The following SH2D4B variants were observed in gnomAD, a reference collection of about 807,000 sequenced individuals.
SH2D4B encodes SH2 domain containing 4B.
SH2D4B carries 45 observed loss-of-function variants against 61.5 expected under a neutral mutation model. That is an observed-to-expected ratio of 0.73 (90% CI 0.58 to 0.94). The LOEUF is 0.94. Ranked by LOEUF, SH2D4B falls within the 40% of genes least tolerant of loss-of-function variation. The probability of loss-of-function intolerance (pLI) is 0.00; values close to 1 mark genes in which losing one functional copy is unlikely to be tolerated. For synonymous variants in SH2D4B, 224 were observed against 220.4 expected, an observed-to-expected ratio of 1.02 and a Z score of -0.14; for missense variants, 572 against 574.2, an observed-to-expected ratio of 1.00 and a Z score of 0.04.
chr10:80,637,997 G>A (rs1205471275), intron 7 of SH2D4B, among the ~76,000 whole-genome samples: 2 of 152,122 alleles, frequency 1.3e-5, no homozygotes, highest in East Asian at 1.9e-4. Context: ...TAGCATGAAG[G>A]GCTGCTGAAT....
chr10:80,625,872 C>T (rs1229703634), intron 6 of SH2D4B, among the ~76,000 whole-genome samples: 1 of 152,116 alleles, frequency 6.6e-6, no homozygotes, highest in Non-Finnish European at 1.5e-5. Flanking sequence ...CCATGCCTGG[C>T]CTGTTTTTGA....
intron 1 of SH2D4B, among the ~76,000 whole-genome samples, chr10:80,545,369 T>C (rs1841660470): frequency 6.6e-6 from 1 of 151,588 alleles, no homozygotes; most frequent in Non-Finnish European, 1.5e-5. Context: ...TCCTCCTCCT[T>C]CTCCTTCTTT....
At chr10:80,542,805 C>G (rs1841599988) in intron 1 of SH2D4B, among the ~76,000 whole-genome samples, 1 of 152,084 alleles carries the variant, frequency 6.6e-6, no homozygotes, top group African/African-American at 2.4e-5. Context: ...GTCTTTCCCT[C>G]CCGCTCTTCC....
chr10:80,542,586 T>C (rs1298681780), intron 1 of SH2D4B, among the ~76,000 whole-genome samples: 1 of 151,766 alleles, frequency 6.6e-6, no homozygotes, highest in Non-Finnish European at 1.5e-5. Flanking sequence ...AATAGAGACA[T>C]GGTTTCATCA....
intron 6 of SH2D4B, among the ~76,000 whole-genome samples, chr10:80,619,162 G>A (rs905720770): frequency 5.9e-5 from 9 of 152,186 alleles, no homozygotes; most frequent in Non-Finnish European, 8.8e-5. Flanking sequence ...GAGGAGTTAG[G>A]CACTGTTGGC....
chr10:80,566,283 G>A (rs1221242354), intron 1 of SH2D4B, among the ~76,000 whole-genome samples: 2 of 150,046 alleles, frequency 1.3e-5, no homozygotes, highest in African/African-American at 4.9e-5. Flanking sequence ...TACCTGATGG[G>A]ATTAGATCAA....
At position 80,644,245 on chromosome 10, in the gene SH2D4B, G is replaced by A; in HGVS notation, c.*160G>A. ...AGGGATATGACATCTATGGCATAGG[G>A]CTACTGGTCTCATCCCAGCGATCGG... On this transcript the variant is annotated 3_prime_UTR_variant, in exon 8 of 8. Transcript: ENST00000646907. 1 of 610,174 alleles carries A rather than the reference G, an allele frequency of 1.6e-6. No individual in the cohort carries two copies. 37.8% of individuals were successfully genotyped at this position (610,174 alleles called of 1,614,324 possible).
At chr10:80,544,445 C>A (rs1841638468) in intron 1 of SH2D4B, among the ~76,000 whole-genome samples, 1 of 152,262 alleles carries the variant, frequency 6.6e-6, no homozygotes, top group African/African-American at 2.4e-5. Context: ...CAAGAACCCA[C>A]CAATTCCAGA....
chr10:80,620,667 A>G (rs931979389), intron 6 of SH2D4B, among the ~76,000 whole-genome samples: 7 of 152,328 alleles, frequency 4.6e-5, no homozygotes, highest in Admixed American at 3.9e-4. Context: ...TATTAGCTAC[A>G]AGACCTTGGC....
chr10:80,615,981 A>G (rs1405241398), intron 6 of SH2D4B, among the ~76,000 whole-genome samples: 1 of 152,206 alleles, frequency 6.6e-6, no homozygotes, highest in Non-Finnish European at 1.5e-5. Flanking sequence ...GTGGCACATC[A>G]GGAACCGAGG....
At chr10:80,620,914 A>C (rs1842712196) in intron 6 of SH2D4B, among the ~76,000 whole-genome samples, 1 of 152,246 alleles carries the variant, frequency 6.6e-6, no homozygotes, top group Admixed American at 6.5e-5. Context: ...ACACTATTCT[A>C]GACATGAAAA....
intron 6 of SH2D4B, 151 bp downstream of exon 6, chr10:80,609,702 G>A: frequency 7.7e-7 from 1 of 1,294,166 alleles, no homozygotes; most frequent in Non-Finnish European, 1.1e-6. Flanking sequence ...GGGAGTCCAG[G>A]AGGCTGCAGG....
At chr10:80,614,266 C>T (rs1351838449) in intron 6 of SH2D4B, among the ~76,000 whole-genome samples, 2 of 152,186 alleles carry the variant, frequency 1.3e-5, no homozygotes, top group Admixed American at 6.5e-5. Context: ...TCCGGGGAGG[C>T]CTCAGGGAGC....
intron 7 of SH2D4B, 49 bp from the exon 8 acceptor site, chr10:80,643,944 A>C: frequency 2.1e-6 from 3 of 1,457,108 alleles, no homozygotes; most frequent in Non-Finnish European, 2.9e-6. Flanking sequence ...ATAGATGTGT[A>C]TTTCCCTGTC....
chr10:80,611,865 G>C (rs1842605127), intron 6 of SH2D4B, among the ~76,000 whole-genome samples: 2 of 113,088 alleles, frequency 1.8e-5, no homozygotes, highest in African/African-American at 8.1e-5. Context: ...AATTTATGTA[G>C]CTAATTTCAT....
chr10:80,599,302 CTCTAT>C (rs368191934), intron 4 of SH2D4B, among the ~76,000 whole-genome samples: 17,653 of 152,118 alleles, frequency 0.12, 1,205 homozygotes, highest in East Asian at 0.25. Context: ...GAAGGGCTTT[CTCTAT>C]CCCTTGATGG....
intron 4 of SH2D4B, among the ~76,000 whole-genome samples, chr10:80,600,520 CATGT>C (rs1222803497): frequency 1.3e-4 from 17 of 133,714 alleles, no homozygotes; most frequent in East Asian, 2.3e-4. Context: ...TGCAGAGTGG[CATGT>C]GTGTGTGTGT....
At chr10:80,570,796 T>C (rs1842032194) in intron 2 of SH2D4B, among the ~76,000 whole-genome samples, 1 of 152,240 alleles carries the variant, frequency 6.6e-6, no homozygotes, top group African/African-American at 2.4e-5. Context: ...TTTACCATTT[T>C]TTATATTATA....
chr10:80,541,068 G>T lies in SH2D4B; in HGVS notation c.184+2553G>T. 4 of 725,878 alleles carry T rather than the reference G, an allele frequency of 5.5e-6. No individual in the cohort carries two copies. The South Asian group carries it at 6.0e-5, about 11-fold the overall frequency. 45.0% of individuals were successfully genotyped at this position (725,878 alleles called of 1,614,324 possible). A position where few individuals can be genotyped will look rare whatever the true frequency, so the allele number is the denominator to read the frequency against. ...AAGTACACACTTGAGAGAGAAGTGC[G>T]GGCGTGCTCATGAGAACGTGTCACA... On this transcript the variant is annotated intron_variant, in intron 1 of 7. Coordinates refer to ENST00000646907, the MANE Select transcript of SH2D4B (RefSeq NM_001388272.1).
Sources: allele counts gnomAD v4.1 joint callset (sites outside exome capture counted in the v4.1 genomes callset), GRCh38; gene constraint gnomAD v4.1.1; transcripts MANE v1.5; gene names NCBI Gene and HGNC (gene_info 2026-07-23, HGNC 2026-07-21).